The following CDH18 variants were observed in gnomAD, a reference collection of about 807,000 sequenced individuals.
CDH18 encodes cadherin 18, also known as cadherin-18.
In CDH18, 31 loss-of-function variants were observed where a neutral mutation model predicts 67.9. The observed-to-expected ratio is 0.46, with a 90% confidence interval of 0.34 to 0.62. CDH18 has a LOEUF of 0.62. CDH18 is among the 20% of genes least tolerant of loss of function. The pLI, the probability that CDH18 is intolerant of heterozygous loss-of-function variation, is 0.01. For synonymous variants in CDH18, 362 were observed against 347.2 expected (o/e 1.04, Z -0.48); for missense variants, 890 against 975.5 (o/e 0.91, Z 1.17).
intron 2 of CDH18, among the ~76,000 whole-genome samples, chr5:20,182,345 A>G (rs1470865232): frequency 6.6e-6 from 1 of 151,916 alleles, no homozygotes; most frequent in East Asian, 1.9e-4. Context: ...GCTCATGCCT[A>G]CAATTGCAGA....
chr5:20,195,261 G>A (rs1738882992), intron 2 of CDH18, among the ~76,000 whole-genome samples: 1 of 151,820 alleles, frequency 6.6e-6, no homozygotes, highest in Admixed American at 6.6e-5. Context: ...ATAAGATTTT[G>A]TTTTTTCATA....
At chr5:20,552,529 C>T (rs1022042557) in intron 1 of CDH18, among the ~76,000 whole-genome samples, 5 of 151,938 alleles carry the variant, frequency 3.3e-5, no homozygotes, top group African/African-American at 9.7e-5. Flanking sequence ...TCTTTCTTCT[C>T]TAATTTTATA....
chr5:19,730,317 A>T (rs1056538914), intron 4 of CDH18, among the ~76,000 whole-genome samples: 1 of 152,230 alleles, frequency 6.6e-6, no homozygotes, highest in Non-Finnish European at 1.5e-5. Context: ...CACAGAAGGT[A>T]TTAACAGATT....
intron 2 of CDH18, chr5:19,877,878 C>CTTTAGGT (rs1787202535): frequency 6.6e-6 from 1 of 152,124 alleles, no homozygotes. Flanking sequence ...TTCACAAAAT[C>CTTTAGGT]ATTTCGCATC....
chr5:20,454,579 G>T (rs1750697819), intron 1 of CDH18, among the ~76,000 whole-genome samples: 3 of 152,088 alleles, frequency 2.0e-5, no homozygotes, highest in Admixed American at 2.0e-4. Flanking sequence ...GTGAAGGACT[G>T]CAGAGCGTCT....
chr5:19,785,484 C>G (rs1489536956), intron 3 of CDH18, among the ~76,000 whole-genome samples: 2 of 149,784 alleles, frequency 1.3e-5, no homozygotes, highest in Non-Finnish European at 3.0e-5. Context: ...GAAACCCCGT[C>G]TCTACTAAAA....
chr5:20,419,477 T>G (rs1213085686), intron 1 of CDH18, among the ~76,000 whole-genome samples: 1 of 78,838 alleles, frequency 1.3e-5, no homozygotes, highest in Admixed American at 1.8e-4. Context: ...TTTTTTTTTT[T>G]TTTTTTTTTT....
intron 1 of CDH18, among the ~76,000 whole-genome samples, chr5:20,466,128 C>T (rs1297730514): frequency 1.3e-5 from 2 of 151,928 alleles, no homozygotes; most frequent in Non-Finnish European, 2.9e-5. Flanking sequence ...ATTGATTGTT[C>T]TGAAGGGGAG....
intron 2 of CDH18, among the ~76,000 whole-genome samples, chr5:20,242,590 T>G (rs551067495): frequency 8.2e-5 from 1 of 12,178 alleles, no homozygotes; most frequent in Non-Finnish European, 1.3e-4. Flanking sequence ...TTGGGTTTCA[T>G]TGAGGGAAAA....
At chr5:20,091,296 G>A (rs1022929408) in intron 2 of CDH18, among the ~76,000 whole-genome samples, 4 of 151,750 alleles carry the variant, frequency 2.6e-5, no homozygotes, top group Non-Finnish European at 5.9e-5. Context: ...ACCTGCTTGG[G>A]CATCATAACA....
chr5:19,635,270 G>A (rs1752976211), intron 5 of CDH18, among the ~76,000 whole-genome samples: 1 of 152,102 alleles, frequency 6.6e-6, no homozygotes, highest in African/African-American at 2.4e-5. Context: ...GTTGCCTGTA[G>A]GAGTACTTTA....
intron 2 of CDH18, among the ~76,000 whole-genome samples, chr5:20,043,793 T>C (rs76795380): frequency 0.058 from 8,894 of 152,244 alleles, 285 homozygotes; most frequent in East Asian, 0.14. Context: ...CAGCTGATAT[T>C]TTTCCTCTGA....
At chr5:19,852,129 T>C (rs1022599861) in intron 2 of CDH18, among the ~76,000 whole-genome samples, 2 of 152,030 alleles carry the variant, frequency 1.3e-5, no homozygotes, top group Non-Finnish European at 1.5e-5. Flanking sequence ...AGAGACTATC[T>C]GGATTGACCA....
chr5:20,499,661 T>G (rs1050428129), intron 1 of CDH18, among the ~76,000 whole-genome samples: 4 of 152,168 alleles, frequency 2.6e-5, no homozygotes, highest in African/African-American at 9.6e-5. Context: ...TTGCAGTAAA[T>G]TTAATAAACT....
At chr5:20,571,862 G>A (rs1415938781) in intron 1 of CDH18, among the ~76,000 whole-genome samples, 3 of 151,978 alleles carry the variant, frequency 2.0e-5, no homozygotes, top group Non-Finnish European at 4.4e-5. Flanking sequence ...CCATGAGCTA[G>A]CACCATTTGA....
At chr5:20,530,893 T>G (rs970314390) in intron 1 of CDH18, among the ~76,000 whole-genome samples, 1 of 152,090 alleles carries the variant, frequency 6.6e-6, no homozygotes, top group South Asian at 2.1e-4. Context: ...CAATGTGATC[T>G]AATTAAACTA....
chr5:20,364,143 T>C (rs888219919), intron 1 of CDH18, among the ~76,000 whole-genome samples: 4 of 152,138 alleles, frequency 2.6e-5, no homozygotes, highest in Admixed American at 2.0e-4. Context: ...AAGAAATTAA[T>C]AGATTTTCAG....
intron 2 of CDH18, among the ~76,000 whole-genome samples, chr5:20,075,514 CAAACAAACA>C (rs1561770101): frequency 6.9e-6 from 1 of 145,810 alleles, no homozygotes; most frequent in Non-Finnish European, 1.5e-5. Context: ...AACAAACAAA[CAAACAAACA>C]AAAAAACCTG....
intron 3 of CDH18, among the ~76,000 whole-genome samples, chr5:19,748,638 G>GA (rs1346835991): frequency 3.9e-5 from 6 of 151,964 alleles, no homozygotes; most frequent in Non-Finnish European, 7.4e-5. Context: ...TAGAAACATT[G>GA]AAAAAACACA....
Sources: gnomAD v4.1 joint callset for allele counts (sites outside exome capture counted in the v4.1 genomes callset) on GRCh38, gnomAD v4.1.1 for gene constraint, MANE v1.5 for transcripts, NCBI Gene and HGNC (gene_info 2026-07-23, HGNC 2026-07-21) for gene names.